The following SVIL variants were observed in gnomAD, a reference collection of about 807,000 sequenced individuals.
SVIL encodes the protein supervillin.
A neutral mutation model predicts 240.4 loss-of-function variants in SVIL; 101 were observed. The ratio of observed to expected loss-of-function variants is 0.42; its 90% CI spans 0.36 to 0.50. The LOEUF is 0.50. Ranked by LOEUF, SVIL falls within the 20% of genes least tolerant of loss-of-function variation. The probability of loss-of-function intolerance (pLI) is 0.01; values close to 1 mark genes in which losing one functional copy is unlikely to be tolerated. For synonymous variants in SVIL, 999 were observed against 1,100.0 expected (o/e 0.91, Z 1.82); for missense variants, 2,512 against 2,818.7 (o/e 0.89, Z 2.46).
Position 29,471,165 on chromosome 10 carries a change from G to T in SVIL, c.5608C>A (p.Arg1870=), listed in dbSNP as rs74129296. 1,877 of 1,613,596 alleles carry T rather than the reference G, an allele frequency of 1.2e-3. 21 individuals carry two copies. In the African/African-American group the frequency reaches 0.023, roughly 19 times the overall value. Residue 1870 remains arginine (R), a synonymous_variant, in exon 31 of 38, where the codon CGG becomes AGG. Coordinates refer to ENST00000355867, the MANE Select transcript of SVIL (RefSeq NM_021738.3). ...QGGMVVHSGR[R]EEEEENVQSE... ...TGCACATTTTCTTCTTCCTCTTCCC[G>T]CCTCCCCGAGTGCACCACCATCCCC...
At chr10:29,636,117 T>TTA (rs1429889404), upstream of SVIL, among the ~76,000 whole-genome samples, 4 of 151,946 alleles carry the variant, frequency 2.6e-5, no homozygotes, top group African/African-American at 7.3e-5. Context: ...TTTTTTTTTT[T>TTA]ACCCATCTCA....
chr10:29,551,238 A>T lies in SVIL; in HGVS notation c.186T>A (p.Thr62=), dbSNP rs376724529. The T allele has an allele frequency of 6.2e-7, 1 of 1,602,500 alleles. No homozygotes were observed. The highest frequency in any genetic ancestry group is 8.5e-7 in the Non-Finnish European group (1 of 1,174,780). Residue 62 remains threonine, a synonymous_variant, in exon 6 of 38, where the codon ACT becomes ACA. Transcript: ENST00000355867. ...HIGRSNEEEE[T]SDSSLEKQTR... ...TTTGCTTTTCTAGAGAAGAATCAGA[A>T]GTTTCCTCCTCTTCATTTGATCGGC...
At position 29,457,924 on chromosome 10, in the gene SVIL, CAAA is replaced by C. The variant is rs34048226; in HGVS notation, c.*320_*322del. 1,858 of 138,602 alleles carry C rather than the reference CAAA, an allele frequency of 0.013. 11 individuals carry two copies. Among genetic ancestry groups the C allele is most frequent in the Middle Eastern group, 0.046 (14 of 306 alleles). The allele number at this position is 138,602 out of a possible 1,614,324, so 8.6% of individuals were successfully genotyped here. ...TAACACTTTATAAAGAGAACTGCTT[CAAA>C]AAAAAAAAAAAAAGGCATTGCCTAG... On this transcript the variant is annotated 3_prime_UTR_variant, in exon 38 of 38. Coordinates refer to ENST00000355867, the MANE Select transcript of SVIL (RefSeq NM_021738.3).
At chr10:29,693,261 A>G (rs1961653313) in intron 1 of SVIL, among the ~76,000 whole-genome samples, 1 of 143,696 alleles carries the variant, frequency 7.0e-6, no homozygotes, top group South Asian at 2.1e-4. Flanking sequence ...CGAATCCATA[A>G]TTCTCAAGCA....
At chr10:29,474,701 T>G (rs1945998683) in intron 29 of SVIL, among the ~76,000 whole-genome samples, 1 of 152,200 alleles carries the variant, frequency 6.6e-6, no homozygotes, top group African/African-American at 2.4e-5. Flanking sequence ...AAACTCATTT[T>G]CCATATTACA....
intron 2 of SVIL, among the ~76,000 whole-genome samples, chr10:29,565,297 G>C (rs1954878785): frequency 6.6e-6 from 1 of 152,172 alleles, no homozygotes; most frequent in African/African-American, 2.4e-5. Context: ...AGCTTTACGA[G>C]TCATCACCGG....
In SVIL at chr10:29,526,988, A is replaced by T; in HGVS notation, c.2315T>A (p.Val772Glu). The T allele has an allele frequency of 6.2e-7, 1 of 1,610,618 alleles. No homozygotes were observed. Among genetic ancestry groups the T allele is most frequent in the Non-Finnish European group, 8.5e-7 (1 of 1,178,740 alleles). ...GGCAGGCTGCACAGCGCTCCTAGCTACAGTGGGGCTAGGAAGTCTCGCCAT... is the reference window on the plus strand; with the variant it reads ...GGCAGGCTGCACAGCGCTCCTAGCTTCAGTGGGGCTAGGAAGTCTCGCCAT... ...PVMARLPSPT[V>E]ARSAVQPARL... The change falls in exon 13 of 38, where the codon GTA becomes GAA. Residue 772 changes from valine to glutamate, a missense_variant. This residue lies in a region of SVIL where 1,443 missense variants were observed against 1,486.6 expected (regional missense o/e 0.97). Coordinates refer to ENST00000355867, the MANE Select transcript of SVIL (RefSeq NM_021738.3).
At chr10:29,698,009 CA>C in intron 1 of SVIL, 1 of 926,674 alleles carries the variant, frequency 1.1e-6, no homozygotes, top group Non-Finnish European at 1.7e-6. Context: ...TCATGCTGCC[CA>C]AGGACATAGC....
At chr10:29,514,431 G>A (rs937324680) in intron 16 of SVIL, among the ~76,000 whole-genome samples, 7 of 151,944 alleles carry the variant, frequency 4.6e-5, no homozygotes, top group Non-Finnish European at 8.8e-5. Context: ...TTGTAGAGAC[G>A]AGGTCTTGCT....
At chr10:29,621,912 A>T (rs1957659833) in intron 1 of SVIL, among the ~76,000 whole-genome samples, 1 of 152,110 alleles carries the variant, frequency 6.6e-6, no homozygotes, top group African/African-American at 2.4e-5. Context: ...GCACACATAC[A>T]CGTAGACATA....
chr10:29,560,543 A>G (rs1285780385), intron 3 of SVIL, among the ~76,000 whole-genome samples: 2 of 152,256 alleles, frequency 1.3e-5, no homozygotes, highest in Non-Finnish European at 2.9e-5. Context: ...GAAGTCCCGT[A>G]GAGAAAAAGT....
chr10:29,502,681 G>C (rs562173318), intron 17 of SVIL, among the ~76,000 whole-genome samples: 92 of 152,270 alleles, frequency 6.0e-4, no homozygotes, highest in Non-Finnish European at 1.1e-3. Context: ...ATGTGTGTGT[G>C]TGTGTGGGTG....
At chr10:29,593,609 C>T (rs4749467) in intron 1 of SVIL, among the ~76,000 whole-genome samples, 5 of 152,216 alleles carry the variant, frequency 3.3e-5, no homozygotes, top group African/African-American at 9.6e-5. Flanking sequence ...TCTCAAATCT[C>T]GGGCAATTCA....
chr10:29,484,664 A>G lies in SVIL; in HGVS notation c.4947T>C (p.Leu1649=), dbSNP rs150805770. ...GGCGGCGGCAGGAGTACCTGGGGAT[A>G]AGCGGATTGCATTCTCCAGGATCCA... is the stretch of plus-strand genomic sequence containing the variant. ...NPLDPGECNP[L]IPRKGQGRPD... The change falls in exon 27 of 38, where the codon CTT becomes CTC. Residue 1649 remains leucine, a synonymous_variant. Coordinates refer to ENST00000355867, the MANE Select transcript of SVIL (RefSeq NM_021738.3). This position sits in a 1 kb window ranked among gnomAD's most constrained non-coding sequence, Gnocchi z 4.7. 1,682 of 1,612,106 alleles carry G rather than the reference A, an allele frequency of 1.0e-3. No homozygotes were observed. Among genetic ancestry groups the G allele is most frequent in the Non-Finnish European group, 1.3e-3 (1,567 of 1,179,088 alleles).
chr10:29,523,336 A>G lies in SVIL; in HGVS notation c.3163+115T>C, dbSNP rs1193907186. 4.3e-6 allele frequency: 4 copies of G among 928,914 alleles called. No individual in the cohort carries two copies. The Admixed American group carries it at 1.2e-4, about 27-fold the overall frequency. 57.5% of individuals were successfully genotyped at this position (928,914 alleles called of 1,614,324 possible). On this transcript the variant is annotated intron_variant, in intron 15 of 37. Transcript: ENST00000355867. ...GATTCCCGCTGAACTTTTAACCAAT[A>G]CTAGCTGTAAACTGCCTATAGAACT...
At chr10:29,654,620 G>A (rs566148267) in intron 3 of SVIL, among the ~76,000 whole-genome samples, 78 of 152,304 alleles carry the variant, frequency 5.1e-4, no homozygotes, top group African/African-American at 1.8e-3. Flanking sequence ...ATATATAGAA[G>A]TAGGCAGGAA....
At chr10:29,734,226 T>C (rs1964772795) in intron 1 of SVIL, among the ~76,000 whole-genome samples, 2 of 152,202 alleles carry the variant, frequency 1.3e-5, no homozygotes, top group African/African-American at 2.4e-5. Context: ...GTTCTCTTCA[T>C]ATACATTAAG....
At chr10:29,597,922 A>T (rs1956660529) in intron 1 of SVIL, among the ~76,000 whole-genome samples, 1 of 152,116 alleles carries the variant, frequency 6.6e-6, no homozygotes, top group Non-Finnish European at 1.5e-5. Context: ...AATTAAAAGC[A>T]GGGTGTCACA....
chr10:29,633,939 GA>G (rs1172861410), intron 1 of SVIL, among the ~76,000 whole-genome samples: 1 of 152,098 alleles, frequency 6.6e-6, no homozygotes, highest in Non-Finnish European at 1.5e-5. Flanking sequence ...CCAAGGCAAA[GA>G]ACCCTCAGAA....
Sources: gnomAD v4.1 joint callset for allele counts (sites outside exome capture counted in the v4.1 genomes callset) on GRCh38, gnomAD v4.1.1 for gene constraint, gnomAD v4.1.1 regional missense constraint, Gnocchi (gnomAD v3.1) non-coding constraint, MANE v1.5 for transcripts, NCBI Gene and HGNC (gene_info 2026-07-23, HGNC 2026-07-21) for gene names.